The following CACNA1A variants were observed in gnomAD, a reference collection of about 807,000 sequenced individuals.
The protein encoded by CACNA1A is voltage-dependent P/Q-type calcium channel subunit alpha-1A.
CACNA1A carries 57 observed loss-of-function variants against 262.4 expected under a neutral mutation model. The observed-to-expected ratio is 0.22, with a 90% CI of 0.18 to 0.27. CACNA1A has a LOEUF of 0.27. Among genes scored for constraint, CACNA1A ranks in the 10% least tolerant of loss-of-function variants. CACNA1A has a pLI of 1.00. For synonymous variants in CACNA1A, 1,431 were observed against 1,419.3 expected, an observed-to-expected ratio of 1.01 and a Z score of -0.18; for missense variants, 2,526 against 3,562.8, an observed-to-expected ratio of 0.71 and a Z score of 7.41.
rs893484478 is a variant in CACNA1A at position 13,308,734 on chromosome 19, T to A, written c.1669-206A>T. The A allele has an allele frequency of 6.1e-6, 3 of 494,502 alleles. No homozygotes were observed. Among genetic ancestry groups the A allele is most frequent in the Non-Finnish European group, 1.1e-5 (3 of 278,062 alleles). 30.6% of individuals were successfully genotyped at this position (494,502 alleles called of 1,614,324 possible). On this transcript the variant is annotated intron_variant, in intron 12 of 46. Coordinates refer to ENST00000360228, the MANE Select transcript of CACNA1A (RefSeq NM_001127222.2). The surrounding 1 kb of genome is among the most constrained non-coding windows in gnomAD (Gnocchi z 4.2). The stretch of plus-strand genomic sequence containing the variant: ...CTGTGTCACCCAGGCTGGAGTGCAG[T>A]GGCGCAATCATAGCTCACTGCAGCA...
At position 13,497,577 on chromosome 19, in the gene CACNA1A, T is replaced by TAA. The variant is rs1568710157; in HGVS notation, c.293+8354_293+8355insTT. 1.7e-3 allele frequency among the ~76,000 whole-genome samples: 36 copies of TAA among 21,538 alleles called. 7 individuals are homozygous for TAA. Among genetic ancestry groups the TAA allele is most frequent in the African/African-American group, 4.2e-3 (14 of 3,316 alleles). The allele number at this position is 21,538 out of a possible 152,430, so 14.1% of individuals were successfully genotyped here. A position where few individuals can be genotyped will look rare whatever the true frequency, so the allele number is the denominator to read the frequency against. On this transcript the variant is annotated intron_variant, in intron 1 of 46. Transcript: ENST00000360228. ...ATATATATATATATATATATATATA[T>TAA]ATAAATTTATGTTGTTAAAGCTGGG...
chr19:13,493,097 T>G (rs905990565), intron 1 of CACNA1A, among the ~76,000 whole-genome samples: 2 of 152,082 alleles, frequency 1.3e-5, no homozygotes, highest in African/African-American at 4.8e-5. Flanking sequence ...CTGGGTGAGA[T>G]TTCCTTCTAT....
intron 6 of CACNA1A, 38 bp from the exon 7 acceptor site, chr19:13,335,947 C>T: frequency 8.0e-7 from 1 of 1,250,642 alleles, no homozygotes; most frequent in South Asian, 1.3e-5. Context: ...TGAGAGTTGA[C>T]TGGGACTCAG....
In CACNA1A at chr19:13,299,019, T is replaced by G; in HGVS notation, c.2614A>C (p.Ser872Arg). The change falls in exon 19 of 47, where the codon AGC becomes CGC. Residue 872 changes from serine to arginine, a missense_variant. By Grantham distance (110) the Ser-to-Arg change is moderately radical. This residue lies in a region of CACNA1A where 765 missense variants were observed against 748.6 expected (regional missense o/e 1.02). Coordinates refer to ENST00000360228, the MANE Select transcript of CACNA1A (RefSeq NM_001127222.2). Reference protein sequence around the residue: ...ARYHDRARDPSGSAGLDARRP... With the variant: ...ARYHDRARDPRGSAGLDARRP... Reference sequence around the variant, plus strand: ...CGTGCGTCCAGGCCCGCCGAGCCGCTGGGGTCCCGGGCCCGATCGTGGTAG... The same window carrying G: ...CGTGCGTCCAGGCCCGCCGAGCCGCGGGGGTCCCGGGCCCGATCGTGGTAG... 3.8e-6 allele frequency: 6 copies of G among 1,589,820 alleles called. No individual in the cohort carries two copies. Among genetic ancestry groups the G allele is most frequent in the Non-Finnish European group, 5.1e-6 (6 of 1,174,018 alleles).
At chr19:13,300,317 A>ATT (rs60111064) in intron 18 of CACNA1A, among the ~76,000 whole-genome samples, 3 of 150,936 alleles carry the variant, frequency 2.0e-5, no homozygotes, top group African/African-American at 7.3e-5. Flanking sequence ...CACAGGTGGG[A>ATT]TTTTTTTTTT....
chr19:13,355,795 G>A (rs1293980930), intron 6 of CACNA1A, among the ~76,000 whole-genome samples: 1 of 152,154 alleles, frequency 6.6e-6, no homozygotes, highest in Non-Finnish European at 1.5e-5. Flanking sequence ...TTTGGGCCTG[G>A]ATCATTCTCT....
At chr19:13,459,692 C>T (rs948763187) in intron 1 of CACNA1A, among the ~76,000 whole-genome samples, 1 of 152,148 alleles carries the variant, frequency 6.6e-6, no homozygotes, top group Non-Finnish European at 1.5e-5. Context: ...AAGCTGACTT[C>T]GCTTTCTCTC....
Position 13,212,825 on chromosome 19 carries a change from T to TGTAC in CACNA1A, c.5941-86_5941-85insGTAC. 1 of 548,552 alleles carries TGTAC rather than the reference T, an allele frequency of 1.8e-6. No individual in the cohort carries two copies. Among genetic ancestry groups the TGTAC allele is most frequent in the Non-Finnish European group, 3.1e-6 (1 of 320,354 alleles). 34.0% of individuals were successfully genotyped at this position (548,552 alleles called of 1,614,324 possible). Reference sequence around the variant, plus strand: ...CCAGAAGGCATTGCGACATCCCCAGTATACACACACACACACACACACACT... The same window carrying TGTAC: ...CCAGAAGGCATTGCGACATCCCCAGTGTACATACACACACACACACACACACACT... On this transcript the variant is annotated intron_variant, in intron 40 of 46. Coordinates refer to ENST00000360228, the MANE Select transcript of CACNA1A (RefSeq NM_001127222.2). The surrounding 1 kb of genome is among the most constrained non-coding windows in gnomAD (Gnocchi z 5.6).
At chr19:13,301,507 T>C (rs1021263434) in intron 17 of CACNA1A, among the ~76,000 whole-genome samples, 5 of 152,368 alleles carry the variant, frequency 3.3e-5, no homozygotes, top group Middle Eastern at 3.4e-3. Context: ...GCACTTGGGC[T>C]ACAGCCAACT....
At chr19:13,208,717 G>T in intron 46 of CACNA1A, 39 bp downstream of exon 46, 1 of 1,531,844 alleles carries the variant, frequency 6.5e-7, no homozygotes. Context: ...CCCGCCTCCC[G>T]GCCGAGCCCA....
intron 1 of CACNA1A, among the ~76,000 whole-genome samples, chr19:13,476,231 G>C (rs568535714): frequency 6.6e-6 from 1 of 152,262 alleles, no homozygotes; most frequent in South Asian, 2.1e-4. Flanking sequence ...GTGCTAGCTT[G>C]GTTCTTCTGA....
chr19:13,211,652 G>A (rs1395078050), intron 43 of CACNA1A: 1 of 191,084 alleles, frequency 5.2e-6, no homozygotes, highest in African/African-American at 2.4e-5. Context: ...GTGCACACAC[G>A]TGTGTGTATG....
At chr19:13,347,067 GT>G (rs35913659) in intron 6 of CACNA1A, among the ~76,000 whole-genome samples, 6 of 138,604 alleles carry the variant, frequency 4.3e-5, no homozygotes, top group South Asian at 2.2e-4. Flanking sequence ...TTGTTTTTTT[GT>G]TTTTTTTTTT....
At position 13,227,605 on chromosome 19, in the gene CACNA1A, A is replaced by G. The variant is rs1477830208; in HGVS notation, c.5529-78T>C. The stretch of plus-strand genomic sequence containing the variant: ...GGAATGGGAACAGAGAACCAAAGGA[A>G]GAGAGGTGGGGAGAAACAGAAGAAA... On this transcript the variant is annotated intron_variant, in intron 36 of 46. Coordinates refer to ENST00000360228, the MANE Select transcript of CACNA1A (RefSeq NM_001127222.2). 1.4e-5 allele frequency: 9 copies of G among 650,424 alleles called. No individual in the cohort carries two copies. In the Admixed American group the frequency reaches 1.8e-4, roughly 13 times the overall value. 40.3% of individuals were successfully genotyped at this position (650,424 alleles called of 1,614,324 possible).
chr19:13,373,891 G>A (rs1340396473), intron 3 of CACNA1A, among the ~76,000 whole-genome samples: 2 of 152,178 alleles, frequency 1.3e-5, no homozygotes. Context: ...GAAGAGAAGT[G>A]GTTAAGAAAA....
intron 7 of CACNA1A, 97 bp downstream of exon 7, chr19:13,335,707 CTG>C (rs2058553370): frequency 2.5e-6 from 2 of 807,468 alleles, no homozygotes; most frequent in Non-Finnish European, 2.1e-6. Flanking sequence ...AGCCTTTTCT[CTG>C]TCTAGTGAAT....
At chr19:13,400,248 C>G (rs1312180648) in intron 3 of CACNA1A, among the ~76,000 whole-genome samples, 1 of 152,112 alleles carries the variant, frequency 6.6e-6, no homozygotes, top group Non-Finnish European at 1.5e-5. Context: ...AATTTCCCCT[C>G]CCAAATCAAC....
chr19:13,342,646 G>A (rs2058694235), intron 6 of CACNA1A, among the ~76,000 whole-genome samples: 1 of 152,150 alleles, frequency 6.6e-6, no homozygotes, highest in Non-Finnish European at 1.5e-5. Context: ...GGAGTGAGTG[G>A]AAATAGCTGT....
chr19:13,407,728 C>T (rs1253709324), intron 3 of CACNA1A, among the ~76,000 whole-genome samples: 1 of 152,138 alleles, frequency 6.6e-6, no homozygotes, highest in Non-Finnish European at 1.5e-5. Context: ...ATATGGTTCA[C>T]GTCTGTAATC....
Sources: gnomAD v4.1 joint callset for allele counts (sites outside exome capture counted in the v4.1 genomes callset) on GRCh38, gnomAD v4.1.1 for gene constraint, gnomAD v4.1.1 regional missense constraint, Gnocchi (gnomAD v3.1) non-coding constraint, MANE v1.5 for transcripts, NCBI Gene and HGNC (gene_info 2026-07-23, HGNC 2026-07-21) for gene names.